The following CNOT6L variants were observed in gnomAD, a reference collection of about 807,000 sequenced individuals.
CNOT6L encodes the protein CCR4-NOT transcription complex subunit 6 like, also known as CCR4-NOT transcription complex subunit 6-like.
In CNOT6L, 7 loss-of-function variants were observed where a neutral mutation model predicts 64.0. The ratio of observed to expected loss-of-function variants is 0.11; its 90% CI spans 0.06 to 0.21. The LOEUF (loss-of-function observed/expected upper bound fraction) is 0.21, where lower values mean the gene tolerates loss of function less well. Ranked by LOEUF, CNOT6L falls within the 10% of genes least tolerant of loss-of-function variation. CNOT6L has a pLI of 1.00. For synonymous variants in CNOT6L, 193 were observed against 243.4 expected, an observed-to-expected ratio of 0.79 and a Z score of 1.93; for missense variants, 245 against 669.0, an observed-to-expected ratio of 0.37 and a Z score of 6.99.
In CNOT6L at chr4:77,737,566, G is replaced by A. The variant is rs368766593; in HGVS notation, c.872+4575C>T. ...CTCCCGAGTAGCTGGGATTACAGGC[G>A]CCCACCACCAAGCCCAGCTAATTTT... On this transcript the variant is annotated intron_variant, in intron 8 of 11. Transcript: ENST00000504123. Among the ~76,000 whole-genome samples, 720 of 151,556 alleles carry A rather than the reference G, an allele frequency of 4.8e-3. 4 individuals are homozygous for A. The highest frequency in any genetic ancestry group is 8.1e-3 in the Non-Finnish European group (548 of 67,834).
At chr4:77,779,724 G>C (rs1258168546) in intron 1 of CNOT6L, among the ~76,000 whole-genome samples, 1 of 152,170 alleles carries the variant, frequency 6.6e-6, no homozygotes, top group Admixed American at 6.5e-5. Context: ...CACTTTGGGA[G>C]GCCGAGGCGG....
At chr4:77,812,839 G>C (rs1733111322) in intron 1 of CNOT6L, among the ~76,000 whole-genome samples, 1 of 151,900 alleles carries the variant, frequency 6.6e-6, no homozygotes, top group Non-Finnish European at 1.5e-5. Context: ...AATTGATATG[G>C]AAACACAAGA....
intron 4 of CNOT6L, among the ~76,000 whole-genome samples, chr4:77,757,947 G>A (rs912995566): frequency 1.3e-5 from 2 of 152,134 alleles, no homozygotes; most frequent in Admixed American, 6.5e-5. Flanking sequence ...TGATCCGCCC[G>A]CCTTGGCCTC....
chr4:77,776,868 A>G (rs949275838), intron 1 of CNOT6L, among the ~76,000 whole-genome samples: 5 of 152,228 alleles, frequency 3.3e-5, no homozygotes, highest in Non-Finnish European at 4.4e-5. Context: ...AACTCATTCT[A>G]TGTTTATAGG....
At chr4:77,785,723 AAATTT>A (rs1255389410) in intron 1 of CNOT6L, among the ~76,000 whole-genome samples, 1 of 152,216 alleles carries the variant, frequency 6.6e-6, no homozygotes, top group African/African-American at 2.4e-5. Flanking sequence ...TAGAAGGATT[AAATTT>A]AATAAATGAC....
intron 1 of CNOT6L, among the ~76,000 whole-genome samples, chr4:77,805,220 T>C (rs1578006222): frequency 2.0e-5 from 3 of 152,192 alleles, no homozygotes; most frequent in East Asian, 1.9e-4. Context: ...CAGAAAATTA[T>C]GCGTTTTATT....
At chr4:77,785,734 A>G (rs1339957173) in intron 1 of CNOT6L, among the ~76,000 whole-genome samples, 1 of 152,208 alleles carries the variant, frequency 6.6e-6, no homozygotes, top group East Asian at 1.9e-4. Context: ...AATTTAATAA[A>G]TGACAATATC....
intron 2 of CNOT6L, among the ~76,000 whole-genome samples, chr4:77,775,645 C>T (rs900278676): frequency 1.3e-5 from 2 of 152,158 alleles, no homozygotes; most frequent in African/African-American, 4.8e-5. Flanking sequence ...AGATTCAACG[C>T]AGGCTACCAT....
At chr4:77,744,196 T>G (rs904288386) in intron 7 of CNOT6L, among the ~76,000 whole-genome samples, 12 of 152,202 alleles carry the variant, frequency 7.9e-5, no homozygotes, top group East Asian at 3.9e-4. Flanking sequence ...AGATGCTGCT[T>G]CTTCAGTAAA....
At chr4:77,808,283 G>GATCTCTACTAAAAGTACA (rs1483518262) in intron 1 of CNOT6L, among the ~76,000 whole-genome samples, 2 of 151,790 alleles carry the variant, frequency 1.3e-5, no homozygotes, top group African/African-American at 4.8e-5. Context: ...CCAACGTGGT[G>GATCTCTACTAAAAGTACA]AAACCCCATC....
At chr4:77,732,955 G>A (rs949284094) in intron 8 of CNOT6L, among the ~76,000 whole-genome samples, 1 of 152,072 alleles carries the variant, frequency 6.6e-6, no homozygotes, top group Non-Finnish European at 1.5e-5. Flanking sequence ...AAGTTTGTGA[G>A]GTTATCTGAA....
intron 4 of CNOT6L, among the ~76,000 whole-genome samples, chr4:77,757,907 C>T (rs1290513676): frequency 6.6e-6 from 1 of 152,208 alleles, no homozygotes; most frequent in Non-Finnish European, 1.5e-5. Flanking sequence ...ATCATGTTGG[C>T]CAGGCTGCTC....
chr4:77,790,892 C>T (rs1730064198), intron 1 of CNOT6L, among the ~76,000 whole-genome samples: 1 of 151,152 alleles, frequency 6.6e-6, no homozygotes, highest in Non-Finnish European at 1.5e-5. Context: ...ACACTCCTGA[C>T]CTCGTGATCC....
chr4:77,743,884 G>A (rs931491206), intron 7 of CNOT6L, among the ~76,000 whole-genome samples: 3 of 152,032 alleles, frequency 2.0e-5, no homozygotes, highest in Non-Finnish European at 4.4e-5. Flanking sequence ...CTATAGGCGT[G>A]AGCCACCATG....
intron 11 of CNOT6L, among the ~76,000 whole-genome samples, chr4:77,724,789 A>G (rs1179330529): frequency 6.6e-6 from 1 of 152,168 alleles, no homozygotes; most frequent in African/African-American, 2.4e-5. Context: ...ACGCTGGCAG[A>G]TATATATCAC....
At chr4:77,773,892 T>C (rs1320951475) in intron 3 of CNOT6L, among the ~76,000 whole-genome samples, 1 of 152,032 alleles carries the variant, frequency 6.6e-6, no homozygotes, top group Non-Finnish European at 1.5e-5. Flanking sequence ...AGGAAAAAAA[T>C]AGCATCCTCA....
chr4:77,808,462 C>CAA (rs1191618329), intron 1 of CNOT6L, among the ~76,000 whole-genome samples: 46 of 59,670 alleles, frequency 7.7e-4, no homozygotes, highest in African/African-American at 1.4e-3. Flanking sequence ...TCTGCCATCT[C>CAA]AAAAAAAAAA....
At chr4:77,797,502 A>G (rs1730999195) in intron 1 of CNOT6L, among the ~76,000 whole-genome samples, 1 of 152,162 alleles carries the variant, frequency 6.6e-6, no homozygotes, top group Non-Finnish European at 1.5e-5. Flanking sequence ...ATCAGTATCT[A>G]TCTCAGTTAT....
chr4:77,767,590 C>G (rs529869997), intron 4 of CNOT6L, among the ~76,000 whole-genome samples: 1 of 152,056 alleles, frequency 6.6e-6, no homozygotes, highest in South Asian at 2.1e-4. Context: ...AAAGGAAAAA[C>G]TATTCACTAA....
Sources: allele counts gnomAD v4.1 joint callset (sites outside exome capture counted in the v4.1 genomes callset), GRCh38; gene constraint gnomAD v4.1.1; transcripts MANE v1.5; gene names NCBI Gene and HGNC (gene_info 2026-07-23, HGNC 2026-07-21).